Variants in NDUFAF2 observed in about 807,000 individuals in gnomAD.
NDUFAF2 encodes NADH:ubiquinone oxidoreductase complex assembly factor 2.
NDUFAF2 carries 13 observed loss-of-function variants against 22.8 expected under a neutral mutation model. That is an observed-to-expected ratio of 0.57 (90% CI 0.37 to 0.91). NDUFAF2 has a LOEUF of 0.91. Among genes scored for constraint, NDUFAF2 ranks in the 40% least tolerant of loss-of-function variants. The pLI, the probability that NDUFAF2 is intolerant of heterozygous loss-of-function variation, is 0.01. For synonymous variants in NDUFAF2, 53 were observed against 64.2 expected (o/e 0.83, Z 0.84); for missense variants, 162 against 195.2 (o/e 0.83, Z 1.01).
intron 1 of NDUFAF2, among the ~76,000 whole-genome samples, chr5:61,054,945 TTC>T (rs1185474152): frequency 6.6e-6 from 1 of 152,206 alleles, no homozygotes; most frequent in East Asian, 1.9e-4. Flanking sequence ...ATGAGAGCTG[TTC>T]TCTCATGTGT....
At chr5:61,047,093 A>G (rs1365380967) in intron 1 of NDUFAF2, among the ~76,000 whole-genome samples, 1 of 152,168 alleles carries the variant, frequency 6.6e-6, no homozygotes, top group East Asian at 1.9e-4. Flanking sequence ...CTTCAGCAGC[A>G]CAATGGCTAG....
intron 3 of NDUFAF2, among the ~76,000 whole-genome samples, chr5:61,119,435 T>G (rs1386596663): frequency 1.2e-4 from 19 of 152,172 alleles, no homozygotes; most frequent in Non-Finnish European, 1.5e-5. Context: ...TACTTTACAT[T>G]TTCAGGGAAA....
At chr5:60,987,675 C>G (rs1751100759) in intron 1 of NDUFAF2, among the ~76,000 whole-genome samples, 1 of 152,070 alleles carries the variant, frequency 6.6e-6, no homozygotes, top group Non-Finnish European at 1.5e-5. Context: ...GAACTAAAGA[C>G]AAAAACCATG....
At chr5:61,055,356 T>C (rs1017288103) in intron 1 of NDUFAF2, among the ~76,000 whole-genome samples, 2 of 152,226 alleles carry the variant, frequency 1.3e-5, no homozygotes, top group African/African-American at 4.8e-5. Context: ...TCATCTTCAT[T>C]GCTTCATATT....
intron 1 of NDUFAF2, among the ~76,000 whole-genome samples, chr5:61,038,305 G>A (rs540669733): frequency 3.3e-5 from 5 of 152,136 alleles, no homozygotes; most frequent in Non-Finnish European, 7.4e-5. Flanking sequence ...CTGCAAATGA[G>A]TGTAAAAGAA....
chr5:61,010,843 G>T (rs1033414261), intron 1 of NDUFAF2, among the ~76,000 whole-genome samples: 1 of 152,126 alleles, frequency 6.6e-6, no homozygotes, highest in African/African-American at 2.4e-5. Context: ...TATATGTTGA[G>T]TATGACTTCT....
At chr5:61,152,303 AG>A (rs996236317) in intron 3 of NDUFAF2, among the ~76,000 whole-genome samples, 2 of 151,448 alleles carry the variant, frequency 1.3e-5, no homozygotes, top group Non-Finnish European at 1.5e-5. Context: ...AAAAAAAAAA[AG>A]GGTAGTCAGA....
At position 61,120,510 on chromosome 5, in the gene NDUFAF2, T is replaced by C. The variant is rs367818128; in HGVS notation, c.258+21478T>C. 2.6e-5 allele frequency among the ~76,000 whole-genome samples: 4 copies of C among 152,138 alleles called. No individual in the cohort carries two copies. In the East Asian group the frequency reaches 7.7e-4, roughly 29 times the overall value. On this transcript the variant is annotated intron_variant, in intron 3 of 3. Transcript: ENST00000296597. The stretch of plus-strand genomic sequence containing the variant: ...TACATACTTCTATACAAAGCTGAGG[T>C]CTGAGTTTAAGCTTATTCTTAGCAT...
chr5:60,992,049 A>T (rs1751165550), intron 1 of NDUFAF2, among the ~76,000 whole-genome samples: 1 of 152,160 alleles, frequency 6.6e-6, no homozygotes, highest in African/African-American at 2.4e-5. Context: ...ATGATCAGTG[A>T]TGTTGAGCAC....
chr5:61,027,045 T>C (rs1424233280), intron 1 of NDUFAF2, among the ~76,000 whole-genome samples: 1 of 151,472 alleles, frequency 6.6e-6, no homozygotes, highest in Non-Finnish European at 1.5e-5. Context: ...ATTATCCTTA[T>C]TAAGAAAAAT....
At chr5:61,151,170 T>C (rs1267648332) in intron 3 of NDUFAF2, among the ~76,000 whole-genome samples, 1 of 152,232 alleles carries the variant, frequency 6.6e-6, no homozygotes, top group Non-Finnish European at 1.5e-5. Flanking sequence ...TTATTTTAAA[T>C]GTTACTTTAA....
chr5:61,059,457 G>A (rs17444495), intron 1 of NDUFAF2, among the ~76,000 whole-genome samples: 61,450 of 151,904 alleles, frequency 0.4, 13,398 homozygotes, highest in East Asian at 0.8. Flanking sequence ...CAGTTTAAAC[G>A]TAATATTGGT....
Position 61,129,172 on chromosome 5 carries a change from A to AG in NDUFAF2, c.259-23531dup, listed in dbSNP as rs1753076116. On this transcript the variant is annotated intron_variant, in intron 3 of 3. Transcript: ENST00000296597. Reference sequence around the variant, plus strand: ...GGCGCTGGAGAGGATGTGGAGAAATAGAACAGTTTTACACTGTTGGTGGGA... The same window carrying AG: ...GGCGCTGGAGAGGATGTGGAGAAATAGGAACAGTTTTACACTGTTGGTGGGA... Among the ~76,000 whole-genome samples the AG allele has an allele frequency of 4.6e-5, 7 of 152,188 alleles. No individual in the cohort carries two copies. The South Asian group carries it at 1.5e-3, about 32-fold the overall frequency.
chr5:60,988,841 C>T (rs1751118890), intron 1 of NDUFAF2, among the ~76,000 whole-genome samples: 1 of 152,262 alleles, frequency 6.6e-6, no homozygotes, highest in African/African-American at 2.4e-5. Flanking sequence ...ATGACCTAGG[C>T]AATACCATTC....
At chr5:61,073,619 A>G (rs1752329977) in intron 2 of NDUFAF2, among the ~76,000 whole-genome samples, 1 of 152,244 alleles carries the variant, frequency 6.6e-6, no homozygotes, top group South Asian at 2.1e-4. Flanking sequence ...TCTTTTATAA[A>G]TTATGCATAA....
At chr5:61,045,102 A>C (rs939802354) in intron 1 of NDUFAF2, among the ~76,000 whole-genome samples, 1 of 141,060 alleles carries the variant, frequency 7.1e-6, no homozygotes, top group Non-Finnish European at 1.5e-5. Flanking sequence ...ATAAAGTTTT[A>C]TTAAAATTTA....
In NDUFAF2 at chr5:61,098,995, G is replaced by A. The variant is rs772294726; in HGVS notation, c.221G>A (p.Trp74Ter). 36 of 1,597,952 alleles carry A rather than the reference G, an allele frequency of 2.3e-5. No individual in the cohort carries two copies. Among genetic ancestry groups the A allele is most frequent in the Admixed American group, 3.4e-5 (2 of 59,400 alleles). ...TAAATATTATTTTTCTTTCTAGCTTGGATTAGAAGAACAAGAAAGACTCCA... is the reference window on the plus strand; with the variant it reads ...TAAATATTATTTTTCTTTCTAGCTTAGATTAGAAGAACAAGAAAGACTCCA... ...AGDIPTEWEA[W>*]IRRTRKTPPT... is the part of the protein sequence containing the mutation. Residue 74 changes from tryptophan to a stop codon, truncating the protein, a stop_gained, in exon 3 of 4, where the codon TGG (tryptophan) becomes TAG (stop). Transcript: ENST00000296597. LOFTEE classifies it high-confidence loss of function.
rs367833802 is a variant in NDUFAF2 at position 61,042,154 on chromosome 5, G to A, written c.128-30971G>A. On this transcript the variant is annotated intron_variant, in intron 1 of 3. Transcript: ENST00000296597. The stretch of plus-strand genomic sequence containing the variant: ...TTTGATAGCACTGTTTTAGCCATAG[G>A]AGATTATTTAACCTTATTCAAAATT... Among the ~76,000 whole-genome samples, 9 of 152,194 alleles carry A rather than the reference G, an allele frequency of 5.9e-5. No homozygotes were observed. The East Asian group carries it at 1.7e-3, about 29-fold the overall frequency.
At chr5:61,116,352 C>T (rs2111792226) in intron 3 of NDUFAF2, 1 of 152,194 alleles carries the variant, frequency 6.6e-6, no homozygotes, top group African/African-American at 2.4e-5. Context: ...AACTGCTATC[C>T]TCAGCGATTC....
Sources: gnomAD v4.1 joint callset for allele counts (sites outside exome capture counted in the v4.1 genomes callset) on GRCh38, gnomAD v4.1.1 for gene constraint, MANE v1.5 for transcripts, NCBI Gene and HGNC (gene_info 2026-07-23, HGNC 2026-07-21) for gene names.